TLK1: variants seen among roughly 807,000 people sequenced by gnomAD.
The protein encoded by TLK1 is tousled like kinase 1, also known as serine/threonine-protein kinase tousled-like 1.
In TLK1, 24 loss-of-function variants were observed where a neutral mutation model predicts 105.3. That is an observed-to-expected ratio of 0.23 (90% CI 0.17 to 0.32). The LOEUF (loss-of-function observed/expected upper bound fraction) is 0.32. Among genes scored for constraint, TLK1 ranks in the 10% least tolerant of loss-of-function variants. TLK1 has a pLI of 1.00. For missense variants in TLK1, 558 were observed against 910.5 expected (o/e 0.61, Z 4.98); for synonymous variants, 321 against 310.4 (o/e 1.03, Z -0.36).
chr2:171,157,593 TA>T (rs1692289092), intron 1 of TLK1, among the ~76,000 whole-genome samples: 1 of 152,304 alleles, frequency 6.6e-6, no homozygotes, highest in African/African-American at 2.4e-5. Context: ...TTATTTGTGA[TA>T]AAACTATGTG....
intron 20 of TLK1, among the ~76,000 whole-genome samples, chr2:170,995,060 A>T (rs1683988012): frequency 6.6e-6 from 1 of 152,144 alleles, no homozygotes; most frequent in Non-Finnish European, 1.5e-5. Context: ...ATTTTACCAT[A>T]GCTTACTGTT....
rs755192109 is a variant in TLK1, at chr2:171,006,502, G to C, written c.1740C>G (p.Pro580=). 1.2e-6 allele frequency: 2 copies of C among 1,611,084 alleles called. No homozygotes were observed. The highest frequency in any genetic ancestry group is 2.2e-5 in the East Asian group (1 of 44,764). The change falls in exon 17 of 21, where the codon CCC becomes CCG. Residue 580 remains proline, a synonymous_variant. Transcript: ENST00000431350. ...NALRYLNEIK[P]PIIHYDLKPG... Reference sequence around the variant, plus strand: ...GCTTAAGATCATAATGTATAATAGGGGGTTTGATCTCATTGAGATATCTTA... The same window carrying C: ...GCTTAAGATCATAATGTATAATAGGCGGTTTGATCTCATTGAGATATCTTA...
chr2:171,046,507 T>C, intron 10 of TLK1, 145 bp from the exon 11 acceptor site: 1 of 877,540 alleles, frequency 1.1e-6, no homozygotes, highest in Non-Finnish European at 1.6e-6. Flanking sequence ...CAATTTGTAC[T>C]TATCCTTCAG....
At chr2:171,143,104 T>G (rs1691650236) in intron 1 of TLK1, among the ~76,000 whole-genome samples, 1 of 151,032 alleles carries the variant, frequency 6.6e-6, no homozygotes, top group Non-Finnish European at 1.5e-5. Flanking sequence ...AATGAAGGAA[T>G]GAATGAATGA....
chr2:171,135,836 T>TA (rs1691297169), intron 1 of TLK1, among the ~76,000 whole-genome samples: 1 of 151,538 alleles, frequency 6.6e-6, no homozygotes, highest in Non-Finnish European at 1.5e-5. Context: ...AAAATGTAAA[T>TA]AAAAAAATAC....
chr2:171,084,590 A>G (rs1001935459), intron 2 of TLK1, among the ~76,000 whole-genome samples: 6 of 152,196 alleles, frequency 3.9e-5, no homozygotes, highest in Non-Finnish European at 5.9e-5. Flanking sequence ...CAGGAAATCC[A>G]ATTTCACATG....
intron 1 of TLK1, among the ~76,000 whole-genome samples, chr2:171,180,318 A>T (rs762998828): frequency 2.6e-4 from 39 of 152,204 alleles, no homozygotes; most frequent in Non-Finnish European, 1.5e-4. Context: ...AAGACTTAGC[A>T]TATTATCAGT....
chr2:171,215,720 C>T (rs1313399728), intron 1 of TLK1, among the ~76,000 whole-genome samples: 1 of 152,158 alleles, frequency 6.6e-6, no homozygotes, highest in Non-Finnish European at 1.5e-5. Context: ...AGTCTCTTGA[C>T]TTTATAGTCT....
chr2:171,199,333 A>G (rs149872733), intron 1 of TLK1, among the ~76,000 whole-genome samples: 3 of 152,268 alleles, frequency 2.0e-5, no homozygotes, highest in Non-Finnish European at 4.4e-5. Flanking sequence ...AAACATATGG[A>G]GACCCTATCT....
At chr2:171,132,928 G>T (rs377144051) in intron 1 of TLK1, among the ~76,000 whole-genome samples, 2 of 152,108 alleles carry the variant, frequency 1.3e-5, no homozygotes, top group Non-Finnish European at 2.9e-5. Context: ...TCTCAGCAAC[G>T]ATTTCTTTAT....
intron 7 of TLK1, chr2:171,054,467 C>G (rs1029082753): frequency 6.6e-6 from 1 of 152,276 alleles, no homozygotes; most frequent in African/African-American, 2.4e-5. Context: ...TACTTCTAAT[C>G]CTAGCCTCAG....
chr2:171,180,253 G>T (rs1048315075), intron 1 of TLK1, among the ~76,000 whole-genome samples: 1 of 151,710 alleles, frequency 6.6e-6, no homozygotes, highest in Admixed American at 6.6e-5. Flanking sequence ...GGGTCCCTGC[G>T]TCTCAATAGG....
At chr2:171,205,323 CTT>C (rs10714396) in intron 1 of TLK1, among the ~76,000 whole-genome samples, 284 of 145,822 alleles carry the variant, frequency 1.9e-3, no homozygotes, top group Admixed American at 3.0e-3. Flanking sequence ...TCTAAGACAG[CTT>C]TTTTTTTTTT....
intron 3 of TLK1, among the ~76,000 whole-genome samples, chr2:171,067,229 G>C (rs993923429): frequency 2.0e-5 from 3 of 147,890 alleles, no homozygotes; most frequent in Admixed American, 6.9e-5. Flanking sequence ...ACACGATCTC[G>C]GCTCACTGCA....
chr2:171,196,049 A>AAAG (rs1553488740), intron 1 of TLK1, among the ~76,000 whole-genome samples: 1 of 150,460 alleles, frequency 6.6e-6, no homozygotes, highest in Non-Finnish European at 1.5e-5. Flanking sequence ...AAAAAAAAAA[A>AAAG]AAAGAAAGAA....
rs532320625 is a variant in TLK1 at position 171,055,220 on chromosome 2, A to C, written c.550-48T>G. 1.6e-4 allele frequency: 182 copies of C among 1,135,194 alleles called. 1 individual carries two copies. In the Admixed American group the frequency reaches 2.3e-3, roughly 14 times the overall value. 70.3% of individuals were successfully genotyped at this position (1,135,194 alleles called of 1,614,324 possible). A position where few individuals can be genotyped will look rare whatever the true frequency, so the allele number is the denominator to read the frequency against. The stretch of plus-strand genomic sequence containing the variant: ...TATATTAGCAAAAAAAAAAAAAAAA[A>C]ACACAAAACAAAACAGATTTCTAAT... On this transcript the variant is annotated intron_variant, in intron 6 of 20. Coordinates refer to ENST00000431350, the MANE Select transcript of TLK1 (RefSeq NM_012290.5).
chr2:171,000,694 T>G (rs2723237), intron 18 of TLK1, among the ~76,000 whole-genome samples: 145,790 of 152,150 alleles, frequency 0.96, 70,111 homozygotes, highest in East Asian at 1. Flanking sequence ...ACACACTCAG[T>G]GCAACTTTAC....
intron 4 of TLK1, among the ~76,000 whole-genome samples, chr2:171,059,764 C>A (rs1230097203): frequency 6.6e-6 from 1 of 152,176 alleles, no homozygotes; most frequent in Non-Finnish European, 1.5e-5. Flanking sequence ...GGTTCCACCT[C>A]AGATCATCAG....
At chr2:171,123,139 A>C (rs1406300949) in intron 1 of TLK1, among the ~76,000 whole-genome samples, 1 of 151,972 alleles carries the variant, frequency 6.6e-6, no homozygotes, top group Non-Finnish European at 1.5e-5. Flanking sequence ...TCTTTTTGAG[A>C]AGATAGCACC....
Sources: gnomAD v4.1 joint callset for allele counts (sites outside exome capture counted in the v4.1 genomes callset) on GRCh38, gnomAD v4.1.1 for gene constraint, MANE v1.5 for transcripts, NCBI Gene and HGNC (gene_info 2026-07-23, HGNC 2026-07-21) for gene names.